POLN: variants seen among roughly 807,000 people sequenced by gnomAD.
POLN encodes the protein DNA polymerase N.
A neutral mutation model predicts 113.5 loss-of-function variants in POLN; 108 were observed. The observed-to-expected ratio is 0.95, with a 90% CI of 0.81 to 1.12. The LOEUF (loss-of-function observed/expected upper bound fraction) is 1.12, where lower values mean the gene tolerates loss of function less well. Among genes scored for constraint, POLN ranks in the 50% most tolerant of loss-of-function variants. The probability of loss-of-function intolerance (pLI) is 0.00; values close to 1 mark genes in which losing one functional copy is unlikely to be tolerated. For missense variants in POLN, 1,097 were observed against 1,077.1 expected (o/e 1.02, Z -0.26); for synonymous variants, 386 against 391.5 (o/e 0.99, Z 0.17).
chr4:2,156,849 G>A lies in POLN; in HGVS notation c.1670C>T (p.Ser557Phe). The change falls in exon 16 of 26, where the codon TCC becomes TTC. Residue 557 changes from serine to phenylalanine, a missense_variant. Physicochemically the swap from Ser to Phe is radical, Grantham distance 155. Coordinates refer to ENST00000511885, the MANE Select transcript of POLN (RefSeq NM_181808.4). ...DGLLACMKKG[S>F]ISSTWNQTGT... ...AGTCTGATTCCATGTAGAGGAAATG[G>A]AGCCCTTTATTAGTTAAAAAGAATC... 1 of 1,610,942 alleles carries A rather than the reference G, an allele frequency of 6.2e-7. No individual in the cohort carries two copies. Among genetic ancestry groups the A allele is most frequent in the African/African-American group, 1.3e-5 (1 of 74,976 alleles).
At chr4:2,232,857 C>T (rs186974765) in intron 2 of POLN, among the ~76,000 whole-genome samples, 35 of 152,274 alleles carry the variant, frequency 2.3e-4, no homozygotes, top group Non-Finnish European at 4.7e-4. Context: ...TAGCCAGTAT[C>T]ACCAAAGAGG....
chr4:2,239,075 T>C, intron 2 of POLN: 1 of 1,166,306 alleles, frequency 8.6e-7, no homozygotes, highest in Non-Finnish European at 1.2e-6. Flanking sequence ...CATTTCAAAC[T>C]GTATGCCTAA....
chr4:2,084,537 T>C (rs1730504706), intron 21 of POLN, among the ~76,000 whole-genome samples: 1 of 152,212 alleles, frequency 6.6e-6, no homozygotes, highest in Non-Finnish European at 1.5e-5. Context: ...CCTTCCGGGC[T>C]AGTGTGGGCT....
intron 19 of POLN, among the ~76,000 whole-genome samples, chr4:2,124,472 T>C (rs184633211): frequency 2.7e-3 from 404 of 151,940 alleles, no homozygotes; most frequent in Non-Finnish European, 4.5e-3. Flanking sequence ...GAGATGGGAG[T>C]CTTGCCATGT....
At chr4:2,131,383 T>C (rs947662610) in intron 16 of POLN, 93 bp from the exon 17 acceptor site, 1 of 826,630 alleles carries the variant, frequency 1.2e-6, no homozygotes, top group Non-Finnish European at 1.9e-6. Flanking sequence ...TTATTAAACA[T>C]TAAAACAAGT....
At chr4:2,102,474 C>A (rs1023415132) in intron 19 of POLN, among the ~76,000 whole-genome samples, 1 of 152,198 alleles carries the variant, frequency 6.6e-6, no homozygotes, top group African/African-American at 2.4e-5. Flanking sequence ...TGGGACCCAA[C>A]AGAGCATCTC....
chr4:2,169,380 G>C (rs1732805458), intron 13 of POLN, among the ~76,000 whole-genome samples: 1 of 152,178 alleles, frequency 6.6e-6, no homozygotes, highest in African/African-American at 2.4e-5. Context: ...TAGAGACGGG[G>C]GAATGGGGAA....
chr4:2,186,813 C>T (rs989769004), intron 7 of POLN, among the ~76,000 whole-genome samples: 4 of 152,312 alleles, frequency 2.6e-5, no homozygotes, highest in African/African-American at 9.6e-5. Context: ...GACAGTGAAG[C>T]TCTTTGATCA....
At chr4:2,133,148 C>CAAAAAA (rs3045447) in intron 16 of POLN, among the ~76,000 whole-genome samples, 72 of 140,684 alleles carry the variant, frequency 5.1e-4, no homozygotes, top group Admixed American at 1.6e-3. Context: ...TAAAAAATGG[C>CAAAAAA]AAAAAAAAAA....
chr4:2,081,198 C>T (rs765676214), intron 22 of POLN, 162 bp from the exon 23 acceptor site: 24 of 1,576,528 alleles, frequency 1.5e-5, no homozygotes, highest in Middle Eastern at 2.2e-4. Flanking sequence ...GCAGACACTT[C>T]GTCCTTGCTC....
chr4:2,196,150 C>T (rs2108758293), intron 6 of POLN, among the ~76,000 whole-genome samples: 1 of 152,222 alleles, frequency 6.6e-6, no homozygotes, highest in South Asian at 2.1e-4. Context: ...ATGTATTCTT[C>T]TAGTATAAGT....
intron 6 of POLN, among the ~76,000 whole-genome samples, chr4:2,193,765 G>T (rs1232711084): frequency 1.3e-5 from 2 of 152,132 alleles, no homozygotes; most frequent in Admixed American, 1.3e-4. Context: ...TGTATATACT[G>T]TATTCTTGAC....
intron 2 of POLN, among the ~76,000 whole-genome samples, chr4:2,233,842 T>C (rs1485035054): frequency 6.6e-6 from 1 of 152,222 alleles, no homozygotes; most frequent in Non-Finnish European, 1.5e-5. Context: ...ATATGGTCAA[T>C]GGTGTCTAGT....
rs61748688 is a variant in POLN, at chr4:2,176,291, G to T, written c.1223C>A (p.Thr408Lys). 0.013 allele frequency: 21,078 copies of T among 1,603,948 alleles called. 194 individuals are homozygous for T. The highest frequency in any genetic ancestry group is 0.016 in the Non-Finnish European group (18,781 of 1,175,812). Residue 408 changes from threonine to lysine, a missense_variant, in exon 9 of 26, where the codon ACA (threonine) becomes AAA (lysine). Thr to Lys is a moderately conservative substitution (Grantham distance 78, BLOSUM62 -1). Transcript: ENST00000511885. ...CTTCAGTTTAGAGCAAAGGTCCATTGTAAGTCTGTAGAGTGTCTTCAGGTT... is the reference window on the plus strand; with the variant it reads ...CTTCAGTTTAGAGCAAAGGTCCATTTTAAGTCTGTAGAGTGTCTTCAGGTT... ...RENLKTLYRL[T>K]MDLCSKLKDY...
intron 7 of POLN, among the ~76,000 whole-genome samples, chr4:2,187,899 C>A (rs1733319198): frequency 6.6e-6 from 1 of 152,000 alleles, no homozygotes; most frequent in African/African-American, 2.4e-5. Flanking sequence ...TTGCTTCAGG[C>A]TAGGAGTTCA....
intron 8 of POLN, among the ~76,000 whole-genome samples, chr4:2,177,113 GT>G (rs1733016465): frequency 6.6e-6 from 1 of 152,182 alleles, no homozygotes; most frequent in South Asian, 2.1e-4. Flanking sequence ...GTCCCTCCAT[GT>G]CAAGTTCTTG....
intron 19 of POLN, among the ~76,000 whole-genome samples, chr4:2,118,467 TTG>T (rs1731369303): frequency 6.6e-6 from 1 of 152,358 alleles, no homozygotes; most frequent in South Asian, 2.1e-4. Context: ...TTATAATACC[TTG>T]TCACATGTAG....
intron 7 of POLN, among the ~76,000 whole-genome samples, chr4:2,184,658 T>C (rs1733227547): frequency 6.6e-6 from 1 of 152,194 alleles, no homozygotes; most frequent in South Asian, 2.1e-4. Flanking sequence ...GGTCTCTAAA[T>C]GCCATTTTCA....
rs190309100 is a variant in POLN, at chr4:2,132,685, G to A, written c.1732-1395C>T. On this transcript the variant is annotated intron_variant, in intron 16 of 25. Coordinates refer to ENST00000511885, the MANE Select transcript of POLN (RefSeq NM_181808.4). ...GGGACCATGCAGACCAGAAGACAAT[G>A]GAGCCACAACTTCCACAGACTGAAA... Among the ~76,000 whole-genome samples the A allele has an allele frequency of 2.6e-5, 4 of 152,322 alleles. No homozygotes were observed. In the East Asian group the frequency reaches 7.7e-4, roughly 29 times the overall value.
Sources: gnomAD v4.1 joint callset for allele counts (sites outside exome capture counted in the v4.1 genomes callset) on GRCh38, gnomAD v4.1.1 for gene constraint, MANE v1.5 for transcripts, NCBI Gene and HGNC (gene_info 2026-07-23, HGNC 2026-07-21) for gene names.